SPIDR: variants seen among roughly 807,000 people sequenced by gnomAD.
SPIDR encodes DNA repair-scaffolding protein.
In SPIDR, 93 loss-of-function variants were observed where a neutral mutation model predicts 104.6. The observed-to-expected ratio is 0.89, with a 90% confidence interval of 0.75 to 1.06. The LOEUF (loss-of-function observed/expected upper bound fraction) is 1.06. Ranked by LOEUF, SPIDR falls within the 50% of genes least tolerant of loss-of-function variation. The probability of loss-of-function intolerance (pLI) is 0.00; values close to 1 mark genes in which losing one functional copy is unlikely to be tolerated. For synonymous variants in SPIDR, 431 were observed against 416.9 expected (o/e 1.03, Z -0.41); for missense variants, 1,154 against 1,111.2 (o/e 1.04, Z -0.55).
intron 8 of SPIDR, among the ~76,000 whole-genome samples, chr8:47,484,491 A>C (rs2077272365): frequency 6.6e-6 from 1 of 152,192 alleles, no homozygotes; most frequent in Non-Finnish European, 1.5e-5. Context: ...TCCATCCTCC[A>C]GAGCAGAACA....
chr8:47,306,804 GTCT>G (rs1159652449), intron 5 of SPIDR, among the ~76,000 whole-genome samples: 2 of 151,984 alleles, frequency 1.3e-5, no homozygotes, highest in East Asian at 1.9e-4. Flanking sequence ...TATAATTTTT[GTCT>G]TCTTGTTGTA....
intron 10 of SPIDR, among the ~76,000 whole-genome samples, chr8:47,628,400 A>G (rs745367267): frequency 7.9e-5 from 12 of 152,192 alleles, no homozygotes; most frequent in Non-Finnish European, 1.5e-4. Context: ...AAAAATTAAC[A>G]ATTTTAAGAA....
intron 5 of SPIDR, among the ~76,000 whole-genome samples, chr8:47,313,441 T>C (rs2154256078): frequency 6.6e-6 from 1 of 152,364 alleles, no homozygotes; most frequent in East Asian, 1.9e-4. Context: ...GAACATTCCG[T>C]GCTCATGGGT....
chr8:47,485,468 A>T lies in SPIDR; in HGVS notation c.1097+44926A>T, dbSNP rs570693232. 3.3e-5 allele frequency among the ~76,000 whole-genome samples: 5 copies of T among 152,302 alleles called. No individual in the cohort carries two copies. In the East Asian group the frequency reaches 9.7e-4, roughly 29 times the overall value. On this transcript the variant is annotated intron_variant, in intron 8 of 19. Coordinates refer to ENST00000297423, the MANE Select transcript of SPIDR (RefSeq NM_001080394.4). Reference sequence around the variant, plus strand: ...CAAAAGGCAGCAGAAACCTCTGCAGACTTAAATGTCCCTGTCTGACAGCTT... The same window carrying T: ...CAAAAGGCAGCAGAAACCTCTGCAGTCTTAAATGTCCCTGTCTGACAGCTT...
intron 5 of SPIDR, among the ~76,000 whole-genome samples, chr8:47,372,452 C>T (rs1037505047): frequency 6.6e-6 from 1 of 151,996 alleles, no homozygotes; most frequent in Non-Finnish European, 1.5e-5. Context: ...TGGTGAAACC[C>T]CATCTCTACT....
intron 10 of SPIDR, among the ~76,000 whole-genome samples, chr8:47,634,017 C>G (rs1432579083): frequency 6.6e-6 from 1 of 151,852 alleles, no homozygotes; most frequent in Admixed American, 6.6e-5. Flanking sequence ...ATGGATTGAG[C>G]CTAGGAGATT....
chr8:47,487,572 G>A (rs116916878), intron 8 of SPIDR, among the ~76,000 whole-genome samples: 16 of 151,860 alleles, frequency 1.1e-4, no homozygotes, highest in African/African-American at 2.4e-4. Flanking sequence ...GCACCACTTC[G>A]TACTTACTCC....
At chr8:47,415,149 C>T (rs966270167) in intron 7 of SPIDR, among the ~76,000 whole-genome samples, 19 of 152,074 alleles carry the variant, frequency 1.2e-4, no homozygotes, top group African/African-American at 3.6e-4. Flanking sequence ...GTGATCCTCC[C>T]GCCTCGGCCT....
intron 16 of SPIDR, among the ~76,000 whole-genome samples, chr8:47,724,020 T>C (rs539442785): frequency 4.3e-4 from 65 of 152,372 alleles, no homozygotes; most frequent in African/African-American, 1.4e-3. Flanking sequence ...AGATTTTATT[T>C]TACCTTCATT....
chr8:47,683,106 C>T (rs183863702), intron 11 of SPIDR, among the ~76,000 whole-genome samples: 1 of 152,278 alleles, frequency 6.6e-6, no homozygotes, highest in East Asian at 1.9e-4. Flanking sequence ...TTAACAATTC[C>T]CAGCATTCCT....
chr8:47,526,291 G>A (rs1014345136), intron 8 of SPIDR, among the ~76,000 whole-genome samples: 1 of 152,142 alleles, frequency 6.6e-6, no homozygotes, highest in Non-Finnish European at 1.5e-5. Flanking sequence ...TTCTGGTCTG[G>A]TCCATTGGAT....
intron 8 of SPIDR, among the ~76,000 whole-genome samples, chr8:47,562,822 A>AC (rs2057245985): frequency 6.6e-6 from 1 of 152,112 alleles, no homozygotes; most frequent in South Asian, 2.1e-4. Flanking sequence ...CCCACCCTTC[A>AC]TCCCCGCCAA....
intron 16 of SPIDR, 92 bp from the exon 17 acceptor site, chr8:47,727,108 G>GC (rs1421714337): frequency 1.4e-5 from 14 of 1,012,646 alleles, no homozygotes; most frequent in Non-Finnish European, 2.0e-5. Context: ...AAATCACGAG[G>GC]CCCCTCATGT....
intron 5 of SPIDR, among the ~76,000 whole-genome samples, chr8:47,302,598 G>T (rs2042307363): frequency 6.6e-6 from 1 of 152,174 alleles, no homozygotes; most frequent in Admixed American, 6.5e-5. Flanking sequence ...GGTCTTTGAT[G>T]ATGGTGACGT....
chr8:47,280,578 A>G (rs2154220516), intron 2 of SPIDR, among the ~76,000 whole-genome samples: 1 of 152,086 alleles, frequency 6.6e-6, no homozygotes, highest in East Asian at 1.9e-4. Context: ...TTTTTTGTAG[A>G]GACTGGGTTT....
At chr8:47,526,943 G>A (rs779507320) in intron 8 of SPIDR, among the ~76,000 whole-genome samples, 11 of 152,184 alleles carry the variant, frequency 7.2e-5, no homozygotes, top group Non-Finnish European at 5.9e-5. Context: ...TGAAGGGGAC[G>A]TATCCAGCAG....
chr8:47,481,375 G>A (rs377382152), intron 8 of SPIDR, among the ~76,000 whole-genome samples: 23 of 152,340 alleles, frequency 1.5e-4, no homozygotes, highest in African/African-American at 5.5e-4. Flanking sequence ...GTTGGCTCAT[G>A]CCTGTAATTC....
intron 10 of SPIDR, among the ~76,000 whole-genome samples, chr8:47,637,080 TAACTA>T (rs1473496747): frequency 6.6e-6 from 1 of 152,198 alleles, no homozygotes; most frequent in Non-Finnish European, 1.5e-5. Context: ...ATTTTTTAAT[TAACTA>T]AAGTATGTAC....
intron 8 of SPIDR, among the ~76,000 whole-genome samples, chr8:47,545,359 G>C (rs2089167589): frequency 6.6e-6 from 1 of 151,846 alleles, no homozygotes; most frequent in Non-Finnish European, 1.5e-5. Flanking sequence ...GTGAGCCACT[G>C]TGCCCGGCCT....
Sources: gnomAD v4.1 joint callset for allele counts (sites outside exome capture counted in the v4.1 genomes callset) on GRCh38, gnomAD v4.1.1 for gene constraint, MANE v1.5 for transcripts, NCBI Gene and HGNC (gene_info 2026-07-23, HGNC 2026-07-21) for gene names.